The following SLC25A12 variants were observed in gnomAD, a reference collection of about 807,000 sequenced individuals.
The protein encoded by SLC25A12 is solute carrier family 25 member 12.
SLC25A12 carries 32 observed loss-of-function variants against 83.3 expected under a neutral mutation model. The ratio of observed to expected loss-of-function variants is 0.38; its 90% confidence interval spans 0.29 to 0.52. The LOEUF (loss-of-function observed/expected upper bound fraction) is 0.52, where lower values mean the gene tolerates loss of function less well. SLC25A12 is among the 20% of genes least tolerant of loss of function. The pLI is 0.84. For synonymous variants in SLC25A12, 267 were observed against 291.1 expected (o/e 0.92, Z 0.84); for missense variants, 611 against 835.6 (o/e 0.73, Z 3.31).
At position 171,857,660 on chromosome 2, in the gene SLC25A12, G is replaced by A. The variant is rs186462851; in HGVS notation, c.210-1711C>T. Reference sequence around the variant, plus strand: ...AGATTGTGCCACTGTACTCCAGCCTGGGTAACAGAGCCAGACCCTGTTTAA... The same window carrying A: ...AGATTGTGCCACTGTACTCCAGCCTAGGTAACAGAGCCAGACCCTGTTTAA... On this transcript the variant is annotated intron_variant, in intron 3 of 17. Coordinates refer to ENST00000422440, the MANE Select transcript of SLC25A12 (RefSeq NM_003705.5). Among the ~76,000 whole-genome samples, 561 of 152,162 alleles carry A rather than the reference G, an allele frequency of 3.7e-3. 3 individuals carry two copies. The highest frequency in any genetic ancestry group is 0.017 in the Middle Eastern group (5 of 294).
intron 10 of SLC25A12, among the ~76,000 whole-genome samples, chr2:171,814,661 A>G (rs1208807254): frequency 1.3e-5 from 2 of 151,210 alleles, no homozygotes; most frequent in African/African-American, 2.4e-5. Context: ...CCCCACAAGT[A>G]GACCCCAGTG....
chr2:171,893,146 T>A, intron 2 of SLC25A12, 59 bp downstream of exon 2: 1 of 1,363,472 alleles, frequency 7.3e-7, no homozygotes, highest in Non-Finnish European at 1.1e-6. Flanking sequence ...TGAATAGGAC[T>A]AAGGACATGT....
chr2:171,888,970 C>T lies in SLC25A12; in HGVS notation c.66+4235G>A, dbSNP rs186949197. 3.2e-3 allele frequency among the ~76,000 whole-genome samples: 480 copies of T among 152,256 alleles called. 6 individuals carry two copies. The highest frequency in any genetic ancestry group is 0.011 in the African/African-American group (452 of 41,556). Reference sequence around the variant, plus strand: ...TAAACTCAAGTGACCCCAAAATCCTCCCCAAACTAAATCATACTAATAACA... The same window carrying T: ...TAAACTCAAGTGACCCCAAAATCCTTCCCAAACTAAATCATACTAATAACA... On this transcript the variant is annotated intron_variant, in intron 2 of 17. Transcript: ENST00000422440.
chr2:171,849,204 A>AATACATAC (rs201012259), intron 4 of SLC25A12, among the ~76,000 whole-genome samples: 18 of 151,920 alleles, frequency 1.2e-4, no homozygotes, highest in African/African-American at 4.1e-4. Flanking sequence ...TTAATAAATA[A>AATACATAC]ATACATACAT....
At chr2:171,822,430 C>A (rs909147927) in intron 9 of SLC25A12, among the ~76,000 whole-genome samples, 24 of 152,194 alleles carry the variant, frequency 1.6e-4, no homozygotes, top group African/African-American at 5.1e-4. Context: ...GTCACTCAGG[C>A]TGGAGTGCAG....
intron 15 of SLC25A12, among the ~76,000 whole-genome samples, chr2:171,789,662 G>A (rs1252067082): frequency 6.6e-6 from 1 of 152,192 alleles, no homozygotes; most frequent in Non-Finnish European, 1.5e-5. Flanking sequence ...AACCAGTAAT[G>A]AACCATTACA....
At chr2:171,868,492 T>G (rs549050937) in intron 3 of SLC25A12, among the ~76,000 whole-genome samples, 189 bp downstream of exon 3, 7 of 152,172 alleles carry the variant, frequency 4.6e-5, no homozygotes, top group Admixed American at 4.6e-4. Flanking sequence ...TTTTGTATTT[T>G]TAGTAGAGAC....
intron 2 of SLC25A12, among the ~76,000 whole-genome samples, chr2:171,872,975 CTT>C (rs1461207916): frequency 2.0e-5 from 3 of 151,934 alleles, no homozygotes; most frequent in Admixed American, 2.0e-4. Flanking sequence ...TGGTAGAAGA[CTT>C]TGAATGCTAA....
At chr2:171,862,359 C>G (rs754308088) in intron 3 of SLC25A12, among the ~76,000 whole-genome samples, 9 of 152,138 alleles carry the variant, frequency 5.9e-5, no homozygotes, top group Non-Finnish European at 1.3e-4. Context: ...CATTATACAC[C>G]AGAACTTCAA....
In SLC25A12 at chr2:171,785,346, A is replaced by T. The variant is rs144562594; in HGVS notation, c.1965T>A (p.Leu655=). The change falls in exon 18 of 18, where the codon CTT becomes CTA. Residue 655 remains leucine (L), a synonymous_variant. Transcript: ENST00000422440. ...TFAGIENKFG[L]YLPKFKSPSV... ...TAGGAGACTTAAATTTCGGGAGATAAAGGCCAAATTTGTTTTCGATGCCTG... is the reference window on the plus strand; with the variant it reads ...TAGGAGACTTAAATTTCGGGAGATATAGGCCAAATTTGTTTTCGATGCCTG... 8.1e-6 allele frequency: 13 copies of T among 1,614,196 alleles called. No individual in the cohort carries two copies. The highest frequency in any genetic ancestry group is 1.1e-5 in the Non-Finnish European group (13 of 1,180,034).
intron 13 of SLC25A12, among the ~76,000 whole-genome samples, chr2:171,807,031 C>A (rs1197142398): frequency 6.6e-6 from 1 of 152,156 alleles, no homozygotes; most frequent in East Asian, 1.9e-4. Flanking sequence ...ACTTTATTCT[C>A]TGTTGAAATT....
chr2:171,826,822 G>C lies in SLC25A12; in HGVS notation c.906C>G (p.Tyr302Ter). The change falls in exon 9 of 18, where the codon TAC becomes TAG. Residue 302 changes from tyrosine (Y) to a stop codon, truncating the protein, a stop_gained. Coordinates refer to ENST00000422440, the MANE Select transcript of SLC25A12 (RefSeq NM_003705.5). LOFTEE classifies it high-confidence loss of function. ...CCTGTCTCTGAAGTTCTGCCAGGTT[G>C]TAAGGTAAGGCCCCCTCAGCCAATG... is the stretch of plus-strand genomic sequence containing the variant. ...IAPLAEGALP[Y>*]NLAELQRQQS... 6.2e-7 allele frequency: 1 copy of C among 1,607,704 alleles called. No individual in the cohort carries two copies. Among genetic ancestry groups the C allele is most frequent in the Admixed American group, 1.7e-5 (1 of 59,972 alleles).
intron 4 of SLC25A12, among the ~76,000 whole-genome samples, 197 bp downstream of exon 4, chr2:171,855,637 C>T (rs1685031001): frequency 1.3e-5 from 2 of 152,204 alleles, no homozygotes; most frequent in African/African-American, 4.8e-5. Flanking sequence ...AACAGCATTA[C>T]TACACTTCTT....
chr2:171,860,527 G>A (rs189346511), intron 3 of SLC25A12, among the ~76,000 whole-genome samples: 155 of 152,102 alleles, frequency 1.0e-3, no homozygotes, highest in African/African-American at 3.4e-3. Flanking sequence ...GCTTGAACCC[G>A]CGAGGTAGAG....
At chr2:171,844,963 A>G (rs1684762460) in intron 4 of SLC25A12, among the ~76,000 whole-genome samples, 1 of 152,178 alleles carries the variant, frequency 6.6e-6, no homozygotes, top group South Asian at 2.1e-4. Context: ...TTACATTCAC[A>G]CTAGCCTGAA....
At chr2:171,826,617 T>C (rs1159052732) in intron 9 of SLC25A12, among the ~76,000 whole-genome samples, 181 bp downstream of exon 9, 3 of 152,072 alleles carry the variant, frequency 2.0e-5, no homozygotes, top group Non-Finnish European at 4.4e-5. Context: ...TCAAAAAATA[T>C]ATATATATTC....
chr2:171,807,298 G>A (rs909428414), intron 13 of SLC25A12, among the ~76,000 whole-genome samples: 9 of 152,276 alleles, frequency 5.9e-5, no homozygotes, highest in South Asian at 4.1e-4. Context: ...CTCCAGAAAT[G>A]AGTCATGATT....
At chr2:171,874,082 C>T (rs779688589) in intron 2 of SLC25A12, among the ~76,000 whole-genome samples, 36 of 152,184 alleles carry the variant, frequency 2.4e-4, no homozygotes, top group Non-Finnish European at 3.7e-4. Context: ...CAAAATTAGA[C>T]GGGTGTGGTG....
intron 9 of SLC25A12, among the ~76,000 whole-genome samples, chr2:171,817,726 T>C (rs886903054): frequency 3.3e-5 from 5 of 151,930 alleles, no homozygotes; most frequent in African/African-American, 1.2e-4. Context: ...CAATCATGTA[T>C]CCTTTCAAAA....
Sources: gnomAD v4.1 joint callset for allele counts (sites outside exome capture counted in the v4.1 genomes callset) on GRCh38, gnomAD v4.1.1 for gene constraint, MANE v1.5 for transcripts, NCBI Gene and HGNC (gene_info 2026-07-23, HGNC 2026-07-21) for gene names.